Variants in TTLL5 observed in about 807,000 individuals in gnomAD.
The protein encoded by TTLL5 is tubulin tyrosine ligase like 5, also known as tubulin polyglutamylase TTLL5.
TTLL5 carries 132 observed loss-of-function variants against 168.4 expected under a neutral mutation model. That is an observed-to-expected ratio of 0.78 (90% CI 0.68 to 0.91). The LOEUF (loss-of-function observed/expected upper bound fraction) is 0.91. Among genes scored for constraint, TTLL5 ranks in the 40% least tolerant of loss-of-function variants. The probability of loss-of-function intolerance (pLI) is 0.00; values close to 1 mark genes in which losing one functional copy is unlikely to be tolerated. For synonymous variants in TTLL5, 546 were observed against 558.6 expected, an observed-to-expected ratio of 0.98 and a Z score of 0.32; for missense variants, 1,545 against 1,581.5, an observed-to-expected ratio of 0.98 and a Z score of 0.39.
At chr14:75,701,150 C>T (rs913489613) in intron 7 of TTLL5, among the ~76,000 whole-genome samples, 4 of 151,876 alleles carry the variant, frequency 2.6e-5, no homozygotes, top group Non-Finnish European at 5.9e-5. Flanking sequence ...GGTTGATTTC[C>T]AGAAACTCAT....
intron 17 of TTLL5, among the ~76,000 whole-genome samples, chr14:75,746,557 CTT>C (rs71119389): frequency 0.013 from 1,470 of 114,700 alleles, 54 homozygotes; most frequent in Admixed American, 0.099. Context: ...CTTTTCTTTT[CTT>C]TTTTTTTTTT....
chr14:75,789,606 A>T (rs1341119963), intron 26 of TTLL5, among the ~76,000 whole-genome samples: 1 of 152,192 alleles, frequency 6.6e-6, no homozygotes, highest in South Asian at 2.1e-4. Context: ...AAATGTTTTT[A>T]AAAATATCAC....
intron 9 of TTLL5, among the ~76,000 whole-genome samples, chr14:75,716,031 A>G (rs957991720): frequency 1.3e-5 from 2 of 152,154 alleles, no homozygotes; most frequent in African/African-American, 4.8e-5. Flanking sequence ...AGAGGATGAC[A>G]GGAGGGATGT....
chr14:75,821,072 C>T (rs1009363505), intron 28 of TTLL5, among the ~76,000 whole-genome samples: 5 of 152,126 alleles, frequency 3.3e-5, no homozygotes, highest in African/African-American at 1.2e-4. Flanking sequence ...AGAGGGGGTA[C>T]TGAAGACTTG....
intron 12 of TTLL5, among the ~76,000 whole-genome samples, chr14:75,727,084 G>C (rs1483204485): frequency 1.3e-5 from 2 of 152,180 alleles, no homozygotes; most frequent in African/African-American, 4.8e-5. Flanking sequence ...TTGAAGAATG[G>C]ACTACAATTG....
chr14:75,808,712 G>T (rs1399452351), intron 27 of TTLL5, among the ~76,000 whole-genome samples: 1 of 152,124 alleles, frequency 6.6e-6, no homozygotes, highest in Non-Finnish European at 1.5e-5. Context: ...TCCTGTTCCA[G>T]ATCATTCAGA....
chr14:75,943,081 C>T (rs2034661621), intron 31 of TTLL5, among the ~76,000 whole-genome samples: 1 of 151,870 alleles, frequency 6.6e-6, no homozygotes, highest in Admixed American at 6.6e-5. Flanking sequence ...TTTCAAAGTC[C>T]CACAAAAAAA....
intron 27 of TTLL5, among the ~76,000 whole-genome samples, chr14:75,802,709 C>G (rs1252496169): frequency 1.3e-5 from 2 of 152,324 alleles, no homozygotes; most frequent in South Asian, 2.1e-4. Context: ...ATAACTCACT[C>G]TCTTGTAATG....
intron 15 of TTLL5, among the ~76,000 whole-genome samples, chr14:75,738,867 C>T (rs1241404140): frequency 1.3e-5 from 2 of 152,106 alleles, no homozygotes; most frequent in African/African-American, 4.8e-5. Flanking sequence ...TGCAGTGACG[C>T]GATCACAGCT....
At chr14:75,949,733 C>G (rs1021332741) in intron 31 of TTLL5, among the ~76,000 whole-genome samples, 4 of 151,622 alleles carry the variant, frequency 2.6e-5, no homozygotes, top group African/African-American at 9.7e-5. Context: ...CCTATAGTCC[C>G]AGCTTAGTCG....
At chr14:75,765,598 C>G (rs117635007) in intron 19 of TTLL5, among the ~76,000 whole-genome samples, 4,255 of 152,222 alleles carry the variant, frequency 0.028, 76 homozygotes, top group Middle Eastern at 0.065. Flanking sequence ...CATGGTGCCT[C>G]ATGCCTGTAA....
chr14:75,759,345 A>G (rs1890486404), intron 18 of TTLL5, among the ~76,000 whole-genome samples: 1 of 152,130 alleles, frequency 6.6e-6, no homozygotes, highest in South Asian at 2.1e-4. Flanking sequence ...CTGAAGTAGA[A>G]ATTTTGAAAA....
At chr14:75,858,986 A>G (rs142342347) in intron 28 of TTLL5, among the ~76,000 whole-genome samples, 2 of 152,282 alleles carry the variant, frequency 1.3e-5, no homozygotes, top group Non-Finnish European at 2.9e-5. Context: ...CATTGTGACA[A>G]TTGAAAGCAC....
At chr14:75,768,292 T>C (rs771532039) in intron 20 of TTLL5, among the ~76,000 whole-genome samples, 5 of 152,194 alleles carry the variant, frequency 3.3e-5, no homozygotes, top group Non-Finnish European at 7.3e-5. Context: ...ATTTCAGGTC[T>C]GTAGAGCCTC....
Position 75,882,701 on chromosome 14 carries a change from A to G in TTLL5, c.3539A>G (p.Gln1180Arg). ...RARHQAIFGSQTLPNSNLWTM... is the reference protein window; with the variant it reads ...RARHQAIFGSRTLPNSNLWTM... ...TTTTTGTAGGCAATCTTTGGCAGCC[A>G]GACACTACCTAACTCCAATTTATGG... Residue 1180 changes from glutamine (Q) to arginine (R), a missense_variant, in exon 30 of 32, where the codon CAG becomes CGG. Gln to Arg is a conservative substitution (Grantham distance 43, BLOSUM62 1). Coordinates refer to ENST00000298832, the MANE Select transcript of TTLL5 (RefSeq NM_015072.5). The G allele has an allele frequency of 6.2e-7, 1 of 1,609,218 alleles. No homozygotes were observed. Among genetic ancestry groups the G allele is most frequent in the Non-Finnish European group, 8.5e-7 (1 of 1,177,634 alleles).
At chr14:75,748,323 T>A (rs898826863) in intron 17 of TTLL5, among the ~76,000 whole-genome samples, 5 of 152,236 alleles carry the variant, frequency 3.3e-5, no homozygotes, top group African/African-American at 1.2e-4. Context: ...TATTTTTGCT[T>A]TTTTCATTCA....
chr14:75,736,739 C>T (rs569621224), intron 15 of TTLL5, among the ~76,000 whole-genome samples: 14 of 152,262 alleles, frequency 9.2e-5, no homozygotes, highest in Middle Eastern at 6.8e-3. Context: ...TCTATGACCC[C>T]GTGCTGCAGA....
At chr14:75,705,805 G>A (rs752006498) in intron 7 of TTLL5, among the ~76,000 whole-genome samples, 10 of 151,236 alleles carry the variant, frequency 6.6e-5, no homozygotes, top group Non-Finnish European at 4.4e-5. Context: ...GAGCCCTTTT[G>A]TCCTACATGG....
At position 75,662,053 on chromosome 14, in the gene TTLL5, GAA is replaced by G. The variant is rs536003015; in HGVS notation, c.-96+671_-96+672del. 1.4e-3 allele frequency among the ~76,000 whole-genome samples: 207 copies of G among 152,036 alleles called. 1 individual carries two copies. The highest frequency in any genetic ancestry group is 4.9e-3 in the African/African-American group (202 of 41,516). Reference sequence around the variant, plus strand: ...AACGAACATGTACTTTTTTACTTTAGAAAAAATATTTTAAGTTAGAAATGCAG... The same window carrying G: ...AACGAACATGTACTTTTTTACTTTAGAAAATATTTTAAGTTAGAAATGCAG... On this transcript the variant is annotated intron_variant, in intron 1 of 31. Coordinates refer to ENST00000298832, the MANE Select transcript of TTLL5 (RefSeq NM_015072.5).
Sources: allele counts gnomAD v4.1 joint callset (sites outside exome capture counted in the v4.1 genomes callset), GRCh38; gene constraint gnomAD v4.1.1; transcripts MANE v1.5; gene names NCBI Gene and HGNC (gene_info 2026-07-23, HGNC 2026-07-21).